The following CFAP61 variants were observed in gnomAD, a reference collection of about 807,000 sequenced individuals.
CFAP61 encodes the protein cilia- and flagella-associated protein 61.
A neutral mutation model predicts 135.6 loss-of-function variants in CFAP61; 107 were observed. The observed-to-expected ratio is 0.79, with a 90% confidence interval of 0.67 to 0.93. The LOEUF (loss-of-function observed/expected upper bound fraction) is 0.93. CFAP61 is among the 40% of genes least tolerant of loss of function. CFAP61 has a pLI of 0.00. For synonymous variants in CFAP61, 575 were observed against 578.5 expected (o/e 0.99, Z 0.09); for missense variants, 1,507 against 1,556.2 (o/e 0.97, Z 0.53).
intron 25 of CFAP61, among the ~76,000 whole-genome samples, chr20:20,313,356 T>C (rs1368383129): frequency 6.6e-6 from 1 of 152,230 alleles, no homozygotes; most frequent in African/African-American, 2.4e-5. Flanking sequence ...CCACCCAATC[T>C]ATAGCATTTT....
At chr20:20,175,461 A>T in intron 13 of CFAP61, among the ~76,000 whole-genome samples, 1 of 151,862 alleles carries the variant, frequency 6.6e-6, no homozygotes. Context: ...TTTAAGAAGC[A>T]CTGTAGGGGC....
intron 22 of CFAP61, among the ~76,000 whole-genome samples, chr20:20,282,018 A>T (rs1313376225): frequency 6.6e-6 from 1 of 152,108 alleles, no homozygotes; most frequent in Non-Finnish European, 1.5e-5. Context: ...TGTCCATTTC[A>T]TTTACATTTG....
intron 25 of CFAP61, among the ~76,000 whole-genome samples, chr20:20,333,795 A>C (rs1276069876): frequency 6.6e-6 from 1 of 152,152 alleles, no homozygotes; most frequent in Non-Finnish European, 1.5e-5. Flanking sequence ...TCCAGAGCAA[A>C]TGTGACCTGA....
intron 21 of CFAP61, chr20:20,265,696 A>G: frequency 1.8e-6 from 1 of 541,644 alleles, no homozygotes; most frequent in Non-Finnish European, 3.3e-6. Flanking sequence ...TAACACTGAA[A>G]TGCTAGGACC....
chr20:20,267,062 G>C (rs1412180490), intron 21 of CFAP61, among the ~76,000 whole-genome samples: 1 of 152,162 alleles, frequency 6.6e-6, no homozygotes, highest in Non-Finnish European at 1.5e-5. Context: ...TTAAAGACAG[G>C]GATCCGTGTA....
At chr20:20,338,089 C>T (rs1430030109) in intron 25 of CFAP61, among the ~76,000 whole-genome samples, 1 of 152,194 alleles carries the variant, frequency 6.6e-6, no homozygotes, top group African/African-American at 2.4e-5. Context: ...TGCCTGCCTT[C>T]TGTGTATTGA....
intron 8 of CFAP61, among the ~76,000 whole-genome samples, chr20:20,110,033 A>G (rs747067168): frequency 4.0e-5 from 6 of 151,050 alleles, no homozygotes; most frequent in Non-Finnish European, 8.8e-5. Flanking sequence ...CAGCCTCCCT[A>G]GTAGCTGGGA....
intron 9 of CFAP61, among the ~76,000 whole-genome samples, chr20:20,156,682 T>A (rs1311808168): frequency 6.6e-6 from 1 of 152,142 alleles, no homozygotes; most frequent in Non-Finnish European, 1.5e-5. Flanking sequence ...TATAAAAAAT[T>A]AATATGCAAA....
chr20:20,344,295 G>A (rs1384168606), intron 26 of CFAP61, among the ~76,000 whole-genome samples: 14 of 152,196 alleles, frequency 9.2e-5, no homozygotes. Flanking sequence ...AGTGAGTGCT[G>A]ACCACCACGA....
intron 22 of CFAP61, among the ~76,000 whole-genome samples, chr20:20,287,561 G>C (rs2054682606): frequency 6.6e-6 from 1 of 152,222 alleles, no homozygotes; most frequent in Non-Finnish European, 1.5e-5. Flanking sequence ...CCATTCATGG[G>C]TGTGGGGCAG....
chr20:20,350,101 T>C (rs75809562), intron 26 of CFAP61, among the ~76,000 whole-genome samples: 33 of 152,294 alleles, frequency 2.2e-4, no homozygotes, highest in Non-Finnish European at 4.3e-4. Flanking sequence ...TTCAGCATCA[T>C]CAATTATTAG....
intron 8 of CFAP61, among the ~76,000 whole-genome samples, chr20:20,141,650 T>A (rs766003734): frequency 6.6e-6 from 1 of 152,238 alleles, no homozygotes; most frequent in African/African-American, 2.4e-5. Flanking sequence ...TAGAATTTCA[T>A]TCATTTACCT....
At chr20:20,226,262 T>C (rs1321235241) in intron 17 of CFAP61, 2 of 152,188 alleles carry the variant, frequency 1.3e-5, no homozygotes, top group East Asian at 3.9e-4. Flanking sequence ...ATTTTAAAAG[T>C]ATTCCTATTT....
intron 26 of CFAP61, among the ~76,000 whole-genome samples, chr20:20,358,300 A>T (rs1017759734): frequency 2.0e-5 from 3 of 152,006 alleles, no homozygotes; most frequent in Non-Finnish European, 4.4e-5. Flanking sequence ...GTGAAAGAAG[A>T]TGATCACAGT....
chr20:20,110,474 G>A (rs1303400277), intron 8 of CFAP61, among the ~76,000 whole-genome samples: 4 of 151,948 alleles, frequency 2.6e-5, no homozygotes, highest in East Asian at 1.9e-4. Context: ...ATTAGAATGC[G>A]GAAACAAAAA....
chr20:20,064,391 C>T (rs955883642), intron 2 of CFAP61, among the ~76,000 whole-genome samples: 7 of 152,266 alleles, frequency 4.6e-5, no homozygotes, highest in African/African-American at 1.4e-4. Flanking sequence ...AAGCCTTTTA[C>T]GGCTTCTTTT....
chr20:20,270,284 G>A lies in CFAP61; in HGVS notation c.2504-6882G>A, dbSNP rs557555956. Among the ~76,000 whole-genome samples, 3 of 151,992 alleles carry A rather than the reference G, an allele frequency of 2.0e-5. No homozygotes were observed. The East Asian group carries it at 5.8e-4, about 29-fold the overall frequency. On this transcript the variant is annotated intron_variant, in intron 21 of 26. Coordinates refer to ENST00000245957, the MANE Select transcript of CFAP61 (RefSeq NM_015585.4). ...CAGCAAATCTTTCCCTCCAAGTCCC[G>A]ATTCTCTCCATGGAGAAGCTTCATC...
chr20:20,150,277 C>A (rs1362649772), intron 9 of CFAP61, among the ~76,000 whole-genome samples: 2 of 152,092 alleles, frequency 1.3e-5, no homozygotes, highest in East Asian at 3.9e-4. Flanking sequence ...CTCTACCCAC[C>A]CCAGTAGCCA....
Position 20,263,114 on chromosome 20 carries a change from C to T in CFAP61, c.2487C>T (p.Asn829=), listed in dbSNP as rs2147011596. 1 of 1,613,142 alleles carries T rather than the reference C, an allele frequency of 6.2e-7. No homozygotes were observed. Among genetic ancestry groups the T allele is most frequent in the Non-Finnish European group, 8.5e-7 (1 of 1,179,388 alleles). The change falls in exon 21 of 27, where the codon AAC becomes AAT. Residue 829 remains asparagine (N), a synonymous_variant. Coordinates refer to ENST00000245957, the MANE Select transcript of CFAP61 (RefSeq NM_015585.4). The part of the protein sequence containing the change: ...CFKALIWIRN[N]SITTEGNIIV... ...AGGCACTGATTTGGATAAGGAATAA[C>T]TCCATCACCACAGAAGGTAAGGATG...
Sources: allele counts gnomAD v4.1 joint callset (sites outside exome capture counted in the v4.1 genomes callset), GRCh38; gene constraint gnomAD v4.1.1; transcripts MANE v1.5; gene names NCBI Gene and HGNC (gene_info 2026-07-23, HGNC 2026-07-21).